Variants in SYN3 observed in about 807,000 individuals in gnomAD.
SYN3 encodes the protein synapsin III, also known as synapsin-3.
In SYN3, 35 loss-of-function variants were observed where a neutral mutation model predicts 65.8. That is an observed-to-expected ratio of 0.53 (90% CI 0.41 to 0.70). The LOEUF is 0.70. Ranked by LOEUF, SYN3 falls within the 30% of genes least tolerant of loss-of-function variation. The pLI is 0.00. For missense variants in SYN3, 680 were observed against 749.0 expected (o/e 0.91, Z 1.08); for synonymous variants, 270 against 292.9 (o/e 0.92, Z 0.80).
intron 6 of SYN3, among the ~76,000 whole-genome samples, chr22:32,637,872 C>G (rs1186741105): frequency 6.6e-6 from 1 of 152,030 alleles, no homozygotes; most frequent in Non-Finnish European, 1.5e-5. Context: ...CTCCCAACCT[C>G]AAATGATCCA....
intron 1 of SYN3, among the ~76,000 whole-genome samples, chr22:33,038,415 G>C (rs1194255419): frequency 1.3e-5 from 2 of 152,190 alleles, no homozygotes; most frequent in Non-Finnish European, 2.9e-5. Context: ...CTGTCTGGTT[G>C]AGCTGCTGAA....
intron 2 of SYN3, among the ~76,000 whole-genome samples, chr22:32,981,306 C>A (rs1425658204): frequency 6.6e-6 from 1 of 151,400 alleles, no homozygotes; most frequent in East Asian, 2.0e-4. Context: ...TTGCTACAGG[C>A]CGGGCGCTGT....
At chr22:32,991,364 ATAATAATAG>A (rs955234052) in intron 2 of SYN3, among the ~76,000 whole-genome samples, 29 of 149,306 alleles carry the variant, frequency 1.9e-4, no homozygotes, top group African/African-American at 6.9e-4. Context: ...AATAATAATA[ATAATAATAG>A]TAATAATAGA....
Position 32,694,296 on chromosome 22 carries a change from C to A in SYN3, c.712-97560G>T, listed in dbSNP as rs898974591. Among the ~76,000 whole-genome samples the A allele has an allele frequency of 2.0e-5, 3 of 152,168 alleles. No individual in the cohort carries two copies. In the South Asian group the frequency reaches 6.2e-4, roughly 32 times the overall value. On this transcript the variant is annotated intron_variant, in intron 6 of 13. Coordinates refer to ENST00000358763, the MANE Select transcript of SYN3 (RefSeq NM_003490.4). ...AGCATACCTTTCCCCATATCCCTTC[C>A]CCTGCCACATATAAGCCATTTCTTT...
chr22:32,700,101 C>T (rs557745908), intron 6 of SYN3, among the ~76,000 whole-genome samples: 5 of 152,148 alleles, frequency 3.3e-5, no homozygotes, highest in African/African-American at 9.7e-5. Context: ...ATTTTGTATA[C>T]GGTCTCTGAA....
chr22:32,949,205 G>T (rs2051209883), intron 3 of SYN3, among the ~76,000 whole-genome samples: 1 of 151,996 alleles, frequency 6.6e-6, no homozygotes, highest in Admixed American at 6.6e-5. Flanking sequence ...TTGAAGCCAG[G>T]AGTTTAAGAC....
At chr22:33,040,564 G>A (rs1020528971) in intron 1 of SYN3, among the ~76,000 whole-genome samples, 4 of 152,024 alleles carry the variant, frequency 2.6e-5, no homozygotes, top group Non-Finnish European at 4.4e-5. Context: ...GTTGCTCCTC[G>A]ATATATGTCT....
At chr22:32,757,059 AG>A (rs757745198) in intron 6 of SYN3, among the ~76,000 whole-genome samples, 2 of 149,860 alleles carry the variant, frequency 1.3e-5, no homozygotes, top group East Asian at 4.0e-4. Context: ...CTTTTTTTTG[AG>A]GGGGGGTGGT....
intron 1 of SYN3, among the ~76,000 whole-genome samples, chr22:33,009,211 C>A (rs2145814429): frequency 6.6e-6 from 1 of 152,086 alleles, no homozygotes; most frequent in East Asian, 1.9e-4. Context: ...CAAAAAGTTT[C>A]CCATAGTGGT....
At chr22:32,543,034 C>G (rs78672014) in intron 7 of SYN3, among the ~76,000 whole-genome samples, 7,227 of 152,066 alleles carry the variant, frequency 0.048, 189 homozygotes, top group Non-Finnish European at 0.067. Context: ...ACTAGGCGGT[C>G]CACGTGGGGT....
At chr22:32,937,709 T>C (rs1271850202) in intron 3 of SYN3, among the ~76,000 whole-genome samples, 1 of 151,998 alleles carries the variant, frequency 6.6e-6, no homozygotes, top group Non-Finnish European at 1.5e-5. Flanking sequence ...ACAGCGGGGA[T>C]TACAATTCAA....
At chr22:32,922,380 G>A (rs375962664) in intron 4 of SYN3, among the ~76,000 whole-genome samples, 1 of 152,128 alleles carries the variant, frequency 6.6e-6, no homozygotes, top group Non-Finnish European at 1.5e-5. Flanking sequence ...CACCCTATAG[G>A]GTTGTCGAAA....
At chr22:33,004,201 C>A (rs1003845094) in intron 2 of SYN3, among the ~76,000 whole-genome samples, 1 of 152,232 alleles carries the variant, frequency 6.6e-6, no homozygotes, top group Non-Finnish European at 1.5e-5. Context: ...GGAGCCCCCA[C>A]ACAGAGTCCC....
intron 1 of SYN3, among the ~76,000 whole-genome samples, chr22:33,028,822 C>T (rs1344580180): frequency 2.6e-5 from 4 of 152,146 alleles, no homozygotes; most frequent in Non-Finnish European, 2.9e-5. Context: ...GGGTGGATCA[C>T]GAGGTCAGGA....
intron 6 of SYN3, among the ~76,000 whole-genome samples, chr22:32,615,595 C>T (rs934240386): frequency 3.3e-5 from 5 of 152,080 alleles, no homozygotes; most frequent in African/African-American, 2.4e-5. Flanking sequence ...AAGGTGGGAA[C>T]GCCACTGCTC....
At chr22:33,013,090 G>C (rs2053388838) in intron 1 of SYN3, among the ~76,000 whole-genome samples, 1 of 152,090 alleles carries the variant, frequency 6.6e-6, no homozygotes, top group African/African-American at 2.4e-5. Flanking sequence ...AGGGTTGAAG[G>C]GATCTTAGAG....
intron 6 of SYN3, among the ~76,000 whole-genome samples, chr22:32,710,701 G>C (rs2060951920): frequency 6.7e-6 from 1 of 150,304 alleles, no homozygotes; most frequent in African/African-American, 2.5e-5. Flanking sequence ...TCTTCCTTCT[G>C]CTCTGGCCAT....
chr22:32,710,645 A>AAAAAAAAAAAAAAAGAAAG, intron 6 of SYN3, among the ~76,000 whole-genome samples: 1 of 127,036 alleles, frequency 7.9e-6, no homozygotes, highest in African/African-American at 3.5e-5. Context: ...AAAAAAAAAA[A>AAAAAAAAAAAAAAAGAAAG]AAAGAAAGAA....
intron 1 of SYN3, among the ~76,000 whole-genome samples, chr22:33,054,076 A>G (rs946560636): frequency 6.6e-6 from 1 of 152,222 alleles, no homozygotes; most frequent in Non-Finnish European, 1.5e-5. Context: ...AATGAGGACA[A>G]TCGCATCTCC....
Sources: allele counts gnomAD v4.1 joint callset (sites outside exome capture counted in the v4.1 genomes callset), GRCh38; gene constraint gnomAD v4.1.1; transcripts MANE v1.5; gene names NCBI Gene and HGNC (gene_info 2026-07-23, HGNC 2026-07-21).